The following SLC38A8 variants were observed in gnomAD, a reference collection of about 807,000 sequenced individuals.
SLC38A8 encodes amino acid transporter SLC38A8.
A neutral mutation model predicts 46.0 loss-of-function variants in SLC38A8; 65 were observed. The observed-to-expected ratio is 1.41, with a 90% CI of 1.16 to 1.74. The LOEUF (loss-of-function observed/expected upper bound fraction) is 1.74. SLC38A8 is among the 40% of genes most tolerant of loss of function. The pLI is 0.00. For synonymous variants in SLC38A8, 447 were observed against 243.7 expected (o/e 1.83, Z -7.77); for missense variants, 998 against 567.9 (o/e 1.76, Z -7.70).
At chr16:84,029,173 G>C (rs982508365) in intron 6 of SLC38A8, among the ~76,000 whole-genome samples, 3 of 152,146 alleles carry the variant, frequency 2.0e-5, no homozygotes, top group Non-Finnish European at 4.4e-5. Context: ...TCCTGTGGGG[G>C]TTCTGCAGAG....
At chr16:84,032,565 C>T (rs1343663181) in intron 4 of SLC38A8, among the ~76,000 whole-genome samples, 1 of 152,218 alleles carries the variant, frequency 6.6e-6, no homozygotes, top group Non-Finnish European at 1.5e-5. Flanking sequence ...AAAAGCTAAT[C>T]AGCCACTCAG....
At chr16:84,038,129 G>A (rs1365421345) in intron 2 of SLC38A8, among the ~76,000 whole-genome samples, 2 of 151,988 alleles carry the variant, frequency 1.3e-5, no homozygotes, top group African/African-American at 4.8e-5. Context: ...TGGCCAACAT[G>A]ATGAAACCCC....
In SLC38A8 at chr16:84,031,594, C is replaced by G. The variant is rs535140098; in HGVS notation, c.632+273G>C. The stretch of plus-strand genomic sequence containing the variant: ...GTACCTCCACACTGTGGGGACAAGT[C>G]TGCAATAACCTATGACCCCTAGGCC... On this transcript the variant is annotated intron_variant, in intron 5 of 10. Transcript: ENST00000299709. 3.3e-5 allele frequency among the ~76,000 whole-genome samples: 5 copies of G among 152,278 alleles called. No homozygotes were observed. In the South Asian group the frequency reaches 8.3e-4, roughly 25 times the overall value.
At chr16:84,014,309 G>T (rs1353823084) in intron 9 of SLC38A8, among the ~76,000 whole-genome samples, 1 of 150,906 alleles carries the variant, frequency 6.6e-6, no homozygotes, top group East Asian at 1.9e-4. Context: ...GCCTGAATAA[G>T]GAGCTGCGTG....
intron 7 of SLC38A8, among the ~76,000 whole-genome samples, chr16:84,021,614 C>T (rs1230967581): frequency 6.6e-6 from 1 of 152,180 alleles, no homozygotes. Flanking sequence ...TAGGCTTATT[C>T]TAGCCTGCTC....
chr16:84,017,396 G>C, intron 7 of SLC38A8, 109 bp from the exon 8 acceptor site: 1 of 1,334,002 alleles, frequency 7.5e-7, no homozygotes, highest in Admixed American at 2.2e-5. Flanking sequence ...TTTTCCTTAG[G>C]AGCTGAAAGA....
intron 5 of SLC38A8, among the ~76,000 whole-genome samples, chr16:84,030,056 G>C (rs1053445525): frequency 6.6e-6 from 1 of 152,180 alleles, no homozygotes; most frequent in Non-Finnish European, 1.5e-5. Context: ...TGTAATTACT[G>C]AAAGTAAGAT....
rs2085382251 is a variant in SLC38A8, at chr16:84,042,751, G to C, written c.-203C>G. ...CAGGGTCAGGCCCCTCCACACCTAAGAGGACAGCAACAAGTGGTCAGGGCC... is the reference window on the plus strand; with the variant it reads ...CAGGGTCAGGCCCCTCCACACCTAACAGGACAGCAACAAGTGGTCAGGGCC... On this transcript the variant is annotated 5_prime_UTR_variant, in exon 1 of 11. Coordinates refer to ENST00000299709, the MANE Select transcript of SLC38A8 (RefSeq NM_001080442.3). 1 of 152,602 alleles carries C rather than the reference G, an allele frequency of 6.6e-6. No homozygotes were observed. The highest frequency in any genetic ancestry group is 1.5e-5 in the Non-Finnish European group (1 of 68,350). 9.5% of individuals were successfully genotyped at this position (152,602 alleles called of 1,614,324 possible).
intron 3 of SLC38A8, among the ~76,000 whole-genome samples, chr16:84,035,357 C>T (rs1250762120): frequency 6.6e-6 from 1 of 152,170 alleles, no homozygotes; most frequent in African/African-American, 2.4e-5. Context: ...TCAATACCCC[C>T]CAGTCAGGGG....
chr16:84,014,645 G>A (rs761471303), intron 9 of SLC38A8, among the ~76,000 whole-genome samples: 14 of 152,192 alleles, frequency 9.2e-5, no homozygotes, highest in Non-Finnish European at 2.1e-4. Context: ...AGAGTGGGTG[G>A]CTGTTCTCCT....
Position 84,042,132 on chromosome 16 carries a change from C to G in SLC38A8, c.26G>C (p.Arg9Thr). Reference protein sequence around the residue: MEGQTPGSRGLPEKPHPAT... With the variant: MEGQTPGSTGLPEKPHPAT... ...AGGGTGAGGCTTTTCTGGAAGGCCCCTGCTTCCTGGGGTCTGTCCCTCCAT... is the reference window on the plus strand; with the variant it reads ...AGGGTGAGGCTTTTCTGGAAGGCCCGTGCTTCCTGGGGTCTGTCCCTCCAT... Residue 9 changes from arginine to threonine, a missense_variant, in exon 2 of 11, where the codon AGG becomes ACG. Physicochemically the swap from Arg to Thr is moderately conservative, Grantham distance 71. Transcript: ENST00000299709. 2.5e-6 allele frequency: 4 copies of G among 1,613,318 alleles called. No individual in the cohort carries two copies. Among genetic ancestry groups the G allele is most frequent in the Non-Finnish European group, 3.4e-6 (4 of 1,179,692 alleles).
chr16:84,035,572 G>A (rs1161465549), intron 3 of SLC38A8, among the ~76,000 whole-genome samples: 3 of 152,114 alleles, frequency 2.0e-5, no homozygotes, highest in African/African-American at 7.2e-5. Context: ...GCCATTCTCA[G>A]GCTGGTGTTG....
intron 7 of SLC38A8, among the ~76,000 whole-genome samples, chr16:84,019,647 C>A (rs765028030): frequency 3.9e-5 from 6 of 152,192 alleles, no homozygotes; most frequent in Non-Finnish European, 5.9e-5. Context: ...GTTATTCCAA[C>A]CCCATGACCC....
intron 7 of SLC38A8, among the ~76,000 whole-genome samples, chr16:84,017,509 C>T (rs1343758385): frequency 6.6e-6 from 1 of 152,226 alleles, no homozygotes; most frequent in Admixed American, 6.5e-5. Flanking sequence ...ACTTATCCTC[C>T]TTTCAAATCG....
At chr16:84,011,554 C>T (rs982149588) in intron 10 of SLC38A8, among the ~76,000 whole-genome samples, 1 of 152,206 alleles carries the variant, frequency 6.6e-6, no homozygotes, top group African/African-American at 2.4e-5. Context: ...TGCCATTTAA[C>T]ATTATCTGGG....
At chr16:84,015,041 C>T (rs1597250127) in intron 9 of SLC38A8, among the ~76,000 whole-genome samples, 1 of 152,166 alleles carries the variant, frequency 6.6e-6, no homozygotes, top group Non-Finnish European at 1.5e-5. Context: ...GTCTGTTTGA[C>T]ATAACGGCTG....
chr16:84,018,383 C>T (rs549600828), intron 7 of SLC38A8, among the ~76,000 whole-genome samples: 6 of 152,044 alleles, frequency 3.9e-5, no homozygotes, highest in Admixed American at 2.0e-4. Flanking sequence ...CAGACGCCCG[C>T]CACATTTTTG....
rs990142684 is a variant in SLC38A8, at chr16:84,041,817, C to G, written c.189+152G>C. 66 of 696,246 alleles carry G rather than the reference C, an allele frequency of 9.5e-5. No individual in the cohort carries two copies. In the African/African-American group the frequency reaches 1.0e-3, roughly 11 times the overall value. The allele number at this position is 696,246 out of a possible 1,614,324, so 43.1% of individuals were successfully genotyped here. The stretch of plus-strand genomic sequence containing the variant: ...CCCAGGGCTACAGTGGGATTATCTT[C>G]TCCCCTCATTAGCTGAGCGGGATAG... On this transcript the variant is annotated intron_variant, in intron 2 of 10. Coordinates refer to ENST00000299709, the MANE Select transcript of SLC38A8 (RefSeq NM_001080442.3).
chr16:84,021,831 G>C (rs1033863853), intron 7 of SLC38A8, among the ~76,000 whole-genome samples: 1 of 152,234 alleles, frequency 6.6e-6, no homozygotes, highest in African/African-American at 2.4e-5. Context: ...CCAGGATCAA[G>C]AGGCTACATC....
Sources: allele counts gnomAD v4.1 joint callset (sites outside exome capture counted in the v4.1 genomes callset), GRCh38; gene constraint gnomAD v4.1.1; transcripts MANE v1.5; gene names NCBI Gene and HGNC (gene_info 2026-07-23, HGNC 2026-07-21).